ZDHHC18: variants seen among roughly 807,000 people sequenced by gnomAD.
ZDHHC18 encodes zDHHC palmitoyltransferase 18.
In ZDHHC18, 23 loss-of-function variants were observed where a neutral mutation model predicts 37.5. That is an observed-to-expected ratio of 0.61 (90% CI 0.44 to 0.87). The LOEUF (loss-of-function observed/expected upper bound fraction) is 0.87. Ranked by LOEUF, ZDHHC18 falls within the 40% of genes least tolerant of loss-of-function variation. The pLI is 0.00. For missense variants in ZDHHC18, 406 were observed against 525.6 expected, an observed-to-expected ratio of 0.77 and a Z score of 2.22; for synonymous variants, 185 against 218.7, an observed-to-expected ratio of 0.85 and a Z score of 1.36.
At chr1:26,835,577 T>A (rs542182048) in intron 2 of ZDHHC18, among the ~76,000 whole-genome samples, 44 of 152,302 alleles carry the variant, frequency 2.9e-4, no homozygotes, top group African/African-American at 9.6e-4. Flanking sequence ...GGCGTGTGCC[T>A]GTAATCCCAG....
intron 2 of ZDHHC18, among the ~76,000 whole-genome samples, chr1:26,836,949 T>G (rs1041552635): frequency 3.4e-5 from 5 of 146,632 alleles, no homozygotes; most frequent in Non-Finnish European, 7.4e-5. Context: ...TCATATACAT[T>G]AAATATATAT....
At position 26,850,804 on chromosome 1, in the gene ZDHHC18, C is replaced by T. The variant is rs574662478; in HGVS notation, c.833+198C>T. Among the ~76,000 whole-genome samples the T allele has an allele frequency of 2.0e-5, 3 of 152,266 alleles. No homozygotes were observed. Among genetic ancestry groups the T allele is most frequent in the South Asian group, 2.1e-4 (1 of 4,822 alleles). On this transcript the variant is annotated intron_variant, in intron 5 of 7. Transcript: ENST00000374142. The surrounding 1 kb of genome is among the most constrained non-coding windows in gnomAD (Gnocchi z 6.1). Reference sequence around the variant, plus strand: ...GGGCATTGTGGGGCCGGGGGTTCCTCGTCTTCAGGGGCCTGGAAAAGAGTA... The same window carrying T: ...GGGCATTGTGGGGCCGGGGGTTCCTTGTCTTCAGGGGCCTGGAAAAGAGTA...
chr1:26,832,065 T>G (rs141116459), intron 1 of ZDHHC18: 1 of 170,838 alleles, frequency 5.9e-6, no homozygotes, highest in East Asian at 1.6e-4. Context: ...TAAATATTTG[T>G]GGACTGAGTG....
rs1255532351 is a variant in ZDHHC18, at chr1:26,856,151, T to C, written c.*2308T>C. The C allele has an allele frequency of 2.2e-6, 1 of 448,362 alleles. No individual in the cohort carries two copies. The highest frequency in any genetic ancestry group is 4.5e-6 in the Non-Finnish European group (1 of 220,440). The allele number at this position is 448,362 out of a possible 1,614,324, so 27.8% of individuals were successfully genotyped here. ...CACCAGGGCCCAGCCAGACAACTCA[T>C]AACACTGGCCCACCTCTCTGGTATC... is the stretch of plus-strand genomic sequence containing the variant. On this transcript the variant is annotated 3_prime_UTR_variant, in exon 8 of 8. Transcript: ENST00000374142. This position sits in a 1 kb window ranked among gnomAD's most constrained non-coding sequence, Gnocchi z 5.2.
At position 26,826,911 on chromosome 1, in the gene ZDHHC18, G is replaced by A. The variant is rs2081559603; in HGVS notation, c.107G>A (p.Gly36Glu). The A allele has an allele frequency of 2.0e-6, 2 of 992,352 alleles. No individual in the cohort carries two copies. Among genetic ancestry groups the A allele is most frequent in the Admixed American group, 1.2e-4 (2 of 16,082 alleles). 61.5% of individuals were successfully genotyped at this position (992,352 alleles called of 1,614,324 possible). Residue 36 changes from glycine (G) to glutamate (E), a missense_variant, in exon 1 of 8, where the codon GGG (glycine) becomes GAG (glutamate). Coordinates refer to ENST00000374142, the MANE Select transcript of ZDHHC18 (RefSeq NM_032283.3). This position sits in a 1 kb window ranked among gnomAD's most constrained non-coding sequence, Gnocchi z 5.2. ...GPAASPTPGP[G>E]PAPPAAPAPP... ...GCCGCGTCCCCGACTCCGGGCCCCG[G>A]GCCCGCGCCGCCCGCCGCCCCCGCC...
At chr1:26,844,128 C>A (rs1376403143) in intron 2 of ZDHHC18, among the ~76,000 whole-genome samples, 1 of 152,134 alleles carries the variant, frequency 6.6e-6, no homozygotes, top group Admixed American at 6.5e-5. Flanking sequence ...CAACCTCCAT[C>A]TCCTGGGTTC....
In ZDHHC18 at chr1:26,851,240, A is replaced by T; in HGVS notation, c.936+9A>T. ...TGACTACTAATGAAGACGTGAGTAAACCTGGAGCCACCCCTCATTCTAGGG... is the reference window on the plus strand; with the variant it reads ...TGACTACTAATGAAGACGTGAGTAATCCTGGAGCCACCCCTCATTCTAGGG... On this transcript the variant is annotated intron_variant, in intron 6 of 7. Transcript: ENST00000374142. 1 of 1,612,892 alleles carries T rather than the reference A, an allele frequency of 6.2e-7. No individual in the cohort carries two copies. The highest frequency in any genetic ancestry group is 8.5e-7 in the Non-Finnish European group (1 of 1,178,850).
At position 26,854,462 on chromosome 1, in the gene ZDHHC18, G is replaced by A. The variant is rs2081723275; in HGVS notation, c.*619G>A. 6.6e-6 allele frequency: 1 copy of A among 152,670 alleles called. No homozygotes were observed. Among genetic ancestry groups the A allele is most frequent in the Admixed American group, 6.6e-5 (1 of 15,252 alleles). The allele number at this position is 152,670 out of a possible 1,614,324, so 9.5% of individuals were successfully genotyped here. ...GTGGGGGCAGCCTGTATCAGACAAA[G>A]GTAAATCAGCCAGCCAGGCACCCAC... On this transcript the variant is annotated 3_prime_UTR_variant, in exon 8 of 8. Transcript: ENST00000374142. The surrounding 1 kb of genome is among the most constrained non-coding windows in gnomAD (Gnocchi z 4.6).
chr1:26,841,915 C>T (rs1570670830), intron 2 of ZDHHC18, among the ~76,000 whole-genome samples: 1 of 151,706 alleles, frequency 6.6e-6, no homozygotes, highest in Admixed American at 6.6e-5. Flanking sequence ...GTGGGTGGAT[C>T]ATGAGGTCAG....
chr1:26,827,485 C>G (rs2081564092), intron 1 of ZDHHC18, among the ~76,000 whole-genome samples: 1 of 152,102 alleles, frequency 6.6e-6, no homozygotes, highest in South Asian at 2.1e-4. Context: ...CCTCGCTGCC[C>G]TCTCAGAACC....
chr1:26,848,778 A>C (rs750290152), intron 3 of ZDHHC18, 21 bp downstream of exon 3: 10 of 1,599,156 alleles, frequency 6.3e-6, no homozygotes, highest in East Asian at 2.3e-5. Flanking sequence ...GGCAGCAGGG[A>C]GGGATGCAGG....
intron 2 of ZDHHC18, among the ~76,000 whole-genome samples, chr1:26,846,872 C>T (rs1366840572): frequency 6.6e-6 from 1 of 151,786 alleles, no homozygotes; most frequent in African/African-American, 2.4e-5. Flanking sequence ...ATTCCATTAT[C>T]ATACCTAAGA....
chr1:26,832,347 G>A (rs1408305215), intron 1 of ZDHHC18, 100 bp from the exon 2 acceptor site: 1 of 1,468,528 alleles, frequency 6.8e-7, no homozygotes, highest in Non-Finnish European at 9.4e-7. Context: ...CAAGATTTTG[G>A]TGGTGGTTGT....
At chr1:26,839,714 T>C (rs1480907646) in intron 2 of ZDHHC18, among the ~76,000 whole-genome samples, 2 of 152,190 alleles carry the variant, frequency 1.3e-5, no homozygotes, top group Non-Finnish European at 2.9e-5. Context: ...TTTTCTCTAT[T>C]GAAACTGAAG....
chr1:26,833,007 C>G (rs1225463358), intron 2 of ZDHHC18, among the ~76,000 whole-genome samples: 1 of 152,200 alleles, frequency 6.6e-6, no homozygotes, highest in Non-Finnish European at 1.5e-5. Context: ...AGTAGAAGAG[C>G]TGAGATGAGA....
rs1404798147 is a variant in ZDHHC18 at position 26,832,479 on chromosome 1, C to G, written c.368C>G (p.Ala123Gly). The G allele has an allele frequency of 6.2e-7, 1 of 1,614,010 alleles. No individual in the cohort carries two copies. Among genetic ancestry groups the G allele is most frequent in the Non-Finnish European group, 8.5e-7 (1 of 1,180,032 alleles). The part of the protein sequence containing the change: ...CPYLARKLTL[A>G]IPIIAAILFF... Reference sequence around the variant, plus strand: ...TACCTGGCTCGCAAGCTGACCCTTGCCATCCCCATCATCGCTGCCATCCTC... The same window carrying G: ...TACCTGGCTCGCAAGCTGACCCTTGGCATCCCCATCATCGCTGCCATCCTC... The change falls in exon 2 of 8, where the codon GCC becomes GGC. Residue 123 changes from alanine (A) to glycine (G), a missense_variant. Physicochemically the swap from Ala to Gly is moderately conservative, Grantham distance 60 (BLOSUM62 0). Coordinates refer to ENST00000374142, the MANE Select transcript of ZDHHC18 (RefSeq NM_032283.3).
In ZDHHC18 at chr1:26,857,397, T is replaced by C. The variant is rs2081740034; in HGVS notation, c.*3554T>C. 6.6e-6 allele frequency: 1 copy of C among 151,842 alleles called. No homozygotes were observed. Among genetic ancestry groups the C allele is most frequent in the Non-Finnish European group, 1.5e-5 (1 of 68,010 alleles). 9.4% of individuals were successfully genotyped at this position (151,842 alleles called of 1,614,324 possible). On this transcript the variant is annotated 3_prime_UTR_variant, in exon 8 of 8. Transcript: ENST00000374142. ...ACCCCCAACCCTCCACCAGAGTAGG[T>C]AGGATGTAGGGAGGGTGCGTGCCTC... is the stretch of plus-strand genomic sequence containing the variant.
In ZDHHC18 at chr1:26,826,752, G is replaced by T. The variant is rs1000539806; in HGVS notation, c.-53G>T. 1 of 904,960 alleles carries T rather than the reference G, an allele frequency of 1.1e-6. No homozygotes were observed. Among genetic ancestry groups the T allele is most frequent in the Non-Finnish European group, 1.3e-6 (1 of 758,826 alleles). The allele number at this position is 904,960 out of a possible 1,614,324, so 56.1% of individuals were successfully genotyped here. On this transcript the variant is annotated 5_prime_UTR_variant, in exon 1 of 8. Coordinates refer to ENST00000374142, the MANE Select transcript of ZDHHC18 (RefSeq NM_032283.3). This position sits in a 1 kb window ranked among gnomAD's most constrained non-coding sequence, Gnocchi z 5.2. ...CACCTCCGCTGCTCGGCCCGGTCCC[G>T]GAGTGGCCCGGCCGGCCCGCGGGGC...
intron 2 of ZDHHC18, among the ~76,000 whole-genome samples, chr1:26,832,883 T>A (rs1337394948): frequency 6.6e-6 from 1 of 152,246 alleles, no homozygotes; most frequent in Non-Finnish European, 1.5e-5. Flanking sequence ...TTAAGCTCTT[T>A]ATATGCATGA....
Sources: allele counts gnomAD v4.1 joint callset (sites outside exome capture counted in the v4.1 genomes callset), GRCh38; gene constraint gnomAD v4.1.1; non-coding constraint Gnocchi (gnomAD v3.1); transcripts MANE v1.5; gene names NCBI Gene and HGNC (gene_info 2026-07-23, HGNC 2026-07-21).